PLXNA4: variants seen among roughly 807,000 people sequenced by gnomAD.
The protein encoded by PLXNA4 is plexin A4.
In PLXNA4, 44 loss-of-function variants were observed where a neutral mutation model predicts 191.8. That is an observed-to-expected ratio of 0.23 (90% CI 0.18 to 0.29). PLXNA4 has a LOEUF of 0.29. PLXNA4 is among the 10% of genes least tolerant of loss of function. PLXNA4 has a pLI of 1.00. For missense variants in PLXNA4, 1,800 were observed against 2,488.8 expected, an observed-to-expected ratio of 0.72 and a Z score of 5.89; for synonymous variants, 1,082 against 1,009.5, an observed-to-expected ratio of 1.07 and a Z score of -1.36.
chr7:132,367,851 C>T (rs992178701), intron 3 of PLXNA4: 1 of 152,218 alleles, frequency 6.6e-6, no homozygotes, highest in African/African-American at 2.4e-5. Flanking sequence ...ACCCTCACAA[C>T]AGACCCGCCA....
Position 132,522,352 on chromosome 7 carries a change from A to G in PLXNA4, c.-86-13573T>C, listed in dbSNP as rs184289394. On this transcript the variant is annotated intron_variant, in intron 1 of 31. Transcript: ENST00000321063. ...AAACATATATGACCACCCCAACCCA[A>G]CCCATTAGGATTATTGCTGAGGCAT... is the stretch of plus-strand genomic sequence containing the variant. Among the ~76,000 whole-genome samples, 18 of 152,202 alleles carry G rather than the reference A, an allele frequency of 1.2e-4. No individual in the cohort carries two copies. The East Asian group carries it at 3.5e-3, about 29-fold the overall frequency.
rs754706036 is a variant in PLXNA4, at chr7:132,210,946, G to C, written c.2295C>G (p.Thr765=). 9 of 1,610,960 alleles carry C rather than the reference G, an allele frequency of 5.6e-6. No individual in the cohort carries two copies. Among genetic ancestry groups the C allele is most frequent in the Non-Finnish European group, 7.6e-6 (9 of 1,178,952 alleles). The change falls in exon 10 of 32, where the codon ACC becomes ACG. Residue 765 remains threonine (T), a synonymous_variant. Transcript: ENST00000321063. The part of the protein sequence containing the change: ...FNSSSVQCQN[T]SYSYEGMEIN... ...TGGGCAGGGTTGGGCGACTCACAGA[G>C]GTGTTCTGGCACTGTACGCTGGAGC... is the stretch of plus-strand genomic sequence containing the variant.
chr7:132,375,015 C>T (rs945340347), intron 3 of PLXNA4, among the ~76,000 whole-genome samples: 1 of 152,244 alleles, frequency 6.6e-6, no homozygotes, highest in Non-Finnish European at 1.5e-5. Flanking sequence ...AAAGGCGAGG[C>T]TGTCCCCGCC....
chr7:132,160,904 C>T (rs779204212), intron 24 of PLXNA4, among the ~76,000 whole-genome samples: 2 of 148,652 alleles, frequency 1.3e-5, no homozygotes, highest in African/African-American at 4.8e-5. Context: ...TGCGAACATG[C>T]TTATTCCATT....
chr7:132,133,051 C>G lies in PLXNA4; in HGVS notation c.5587G>C (p.Glu1863Gln), dbSNP rs758035443. 2 of 1,613,678 alleles carry G rather than the reference C, an allele frequency of 1.2e-6. No homozygotes were observed. Among genetic ancestry groups the G allele is most frequent in the African/African-American group, 1.3e-5 (1 of 75,054 alleles). The change falls in exon 31 of 32, where the codon GAG becomes CAG. Residue 1863 changes from glutamate (E) to glutamine (Q), a missense_variant and splice_region_variant. Glu to Gln is a conservative substitution (Grantham distance 29). This residue lies in a region of PLXNA4 where 83 missense variants were observed against 81.6 expected (regional missense o/e 1.02). Coordinates refer to ENST00000321063, the MANE Select transcript of PLXNA4 (RefSeq NM_020911.2). Reference protein sequence around the residue: ...IFSYVGKYSEEILGPLDHDDQ... With the variant: ...IFSYVGKYSEQILGPLDHDDQ... ...GCCTGGAGCAGGGCAAAGCTTACCT[C>G]CTCGCTGTATTTGCCCACATAGGAG...
Position 132,509,668 on chromosome 7 carries a change from G to C in PLXNA4, c.-86-889C>G, listed in dbSNP as rs145683346. On this transcript the variant is annotated intron_variant, in intron 1 of 31. Transcript: ENST00000321063. ...CCTTGCACAGTTGGGGCTGTACCGT[G>C]GTCCCTGTCCCATGCAGCAGAAGAA... Among the ~76,000 whole-genome samples, 122 of 152,244 alleles carry C rather than the reference G, an allele frequency of 8.0e-4. 1 individual carries two copies. The East Asian group carries it at 0.017, about 22-fold the overall frequency.
At chr7:132,485,817 A>G (rs1797536939) in intron 3 of PLXNA4, among the ~76,000 whole-genome samples, 2 of 152,214 alleles carry the variant, frequency 1.3e-5, no homozygotes, top group South Asian at 4.1e-4. Context: ...CATCAAAGAC[A>G]TCTAAATTGG....
intron 3 of PLXNA4, among the ~76,000 whole-genome samples, chr7:132,380,388 C>A (rs1388409402): frequency 2.6e-5 from 4 of 152,130 alleles, no homozygotes; most frequent in African/African-American, 9.7e-5. Context: ...GCCCTCTTGG[C>A]TCACCCTGCC....
intron 12 of PLXNA4, among the ~76,000 whole-genome samples, chr7:132,199,494 C>G (rs201532874): frequency 6.6e-6 from 1 of 152,172 alleles, no homozygotes; most frequent in East Asian, 1.9e-4. Context: ...CAAGTGCCTG[C>G]TTTGAGGTGA....
intron 21 of PLXNA4, among the ~76,000 whole-genome samples, chr7:132,171,420 C>T (rs1221253783): frequency 1.3e-5 from 2 of 152,220 alleles, no homozygotes; most frequent in Non-Finnish European, 2.9e-5. Context: ...ATATCTAGCC[C>T]TACCCCTGGG....
At chr7:132,148,695 T>A in intron 25 of PLXNA4, 49 bp from the exon 26 acceptor site, 1 of 1,612,122 alleles carries the variant, frequency 6.2e-7, no homozygotes, top group Non-Finnish European at 8.5e-7. Flanking sequence ...ACCCCTCTTG[T>A]GGGGAAGCTG....
intron 1 of PLXNA4, among the ~76,000 whole-genome samples, chr7:132,551,238 TTC>T (rs1277101136): frequency 6.6e-6 from 1 of 152,144 alleles, no homozygotes; most frequent in Non-Finnish European, 1.5e-5. Flanking sequence ...TTCTCTTCCC[TTC>T]TCTCTTGACC....
intron 3 of PLXNA4, among the ~76,000 whole-genome samples, chr7:132,310,912 C>T (rs1801704654): frequency 6.6e-6 from 1 of 152,122 alleles, no homozygotes; most frequent in African/African-American, 2.4e-5. Context: ...GGTGCAACTT[C>T]CCAGAAGGTG....
At chr7:132,563,174 C>G (rs1181186044) in intron 1 of PLXNA4, among the ~76,000 whole-genome samples, 2 of 63,024 alleles carry the variant, frequency 3.2e-5, no homozygotes, top group Non-Finnish European at 7.5e-5. Flanking sequence ...TCCTTCTCCT[C>G]CTCCTTCTCC....
At chr7:132,140,489 A>ATGAC in intron 30 of PLXNA4, 110 bp downstream of exon 30, 1 of 1,454,472 alleles carries the variant, frequency 6.9e-7, no homozygotes, top group South Asian at 1.4e-5. Context: ...GGCTTTGTGA[A>ATGAC]TGACTCATCT....
intron 3 of PLXNA4, among the ~76,000 whole-genome samples, chr7:132,431,928 C>G (rs1226459951): frequency 1.3e-5 from 2 of 152,200 alleles, no homozygotes; most frequent in Non-Finnish European, 2.9e-5. Context: ...CTCTCATAAT[C>G]AATGCCTGCC....
At chr7:132,451,578 C>T (rs540220471) in intron 3 of PLXNA4, among the ~76,000 whole-genome samples, 79 of 152,358 alleles carry the variant, frequency 5.2e-4, no homozygotes, top group Non-Finnish European at 9.7e-4. Context: ...AAGGCTATTT[C>T]CTTTGTGGGG....
intron 3 of PLXNA4, among the ~76,000 whole-genome samples, chr7:132,437,371 C>A (rs1795511971): frequency 6.6e-6 from 1 of 152,180 alleles, no homozygotes. Flanking sequence ...GGGCAGAAAT[C>A]TAGCAAGGAG....
intron 30 of PLXNA4, among the ~76,000 whole-genome samples, chr7:132,140,290 G>A (rs1280941151): frequency 6.6e-6 from 1 of 152,132 alleles, no homozygotes; most frequent in African/African-American, 2.4e-5. Context: ...GGGGGTGGGT[G>A]GTGAAGATCA....
Sources: gnomAD v4.1 joint callset for allele counts (sites outside exome capture counted in the v4.1 genomes callset) on GRCh38, gnomAD v4.1.1 for gene constraint, gnomAD v4.1.1 regional missense constraint, MANE v1.5 for transcripts, NCBI Gene and HGNC (gene_info 2026-07-23, HGNC 2026-07-21) for gene names.